Variants in NMNAT1 observed in about 807,000 individuals in gnomAD.
NMNAT1 encodes the protein nicotinamide nucleotide adenylyltransferase 1, also known as nicotinamide/nicotinic acid mononucleotide adenylyltransferase 1.
In NMNAT1, 11 loss-of-function variants were observed where a neutral mutation model predicts 16.7. That is an observed-to-expected ratio of 0.66 (90% CI 0.41 to 1.09). The LOEUF is 1.09. NMNAT1 is among the 50% of genes least tolerant of loss of function. The probability of loss-of-function intolerance (pLI) is 0.00; values close to 1 mark genes in which losing one functional copy is unlikely to be tolerated. For synonymous variants in NMNAT1, 110 were observed against 119.8 expected (o/e 0.92, Z 0.53); for missense variants, 280 against 332.3 (o/e 0.84, Z 1.22).
At chr1:9,995,750 C>G in the NMNAT1 span, among the ~76,000 whole-genome samples, 75 of 151,914 alleles carry the variant, frequency 4.9e-4, no homozygotes, top group African/African-American at 1.7e-3. Context: ...ATAAATACCG[C>G]GGGTGCGGTG....
chr1:9,943,835 A>G (rs531441672), intron 1 of NMNAT1, among the ~76,000 whole-genome samples: 1 of 152,304 alleles, frequency 6.6e-6, no homozygotes, highest in African/African-American at 2.4e-5. Context: ...CTTCATTCCG[A>G]ACGACTTCCC....
intron 1 of NMNAT1, among the ~76,000 whole-genome samples, chr1:9,957,230 T>A (rs973071543): frequency 6.6e-6 from 1 of 152,208 alleles, no homozygotes; most frequent in East Asian, 1.9e-4. Context: ...GGTTTCTCCA[T>A]GTTGGTCAGG....
Position 9,982,513 on chromosome 1 carries a change from G to A in NMNAT1, c.652G>A (p.Ala218Thr), listed in dbSNP as rs766479905. 37 of 1,613,980 alleles carry A rather than the reference G, an allele frequency of 2.3e-5. No homozygotes were observed. Among genetic ancestry groups the A allele is most frequent in the Admixed American group, 3.3e-5 (2 of 59,958 alleles). Residue 218 changes from alanine to threonine, a missense_variant, in exon 5 of 5, where the codon GCT becomes ACT. Transcript: ENST00000377205. The stretch of plus-strand genomic sequence containing the variant: ...CATTCACGTGGTGAATGAATGGATC[G>A]CTAATGACATCTCATCCACAAAAAT... ...SNIHVVNEWIANDISSTKIRR... is the reference protein window; with the variant it reads ...SNIHVVNEWITNDISSTKIRR...
chr1:9,993,087 G>A, the NMNAT1 span, among the ~76,000 whole-genome samples: 2 of 152,122 alleles, frequency 1.3e-5, no homozygotes, highest in South Asian at 4.1e-4. Context: ...TGAGTTGGGG[G>A]AGACAGGATG....
At chr1:9,946,606 A>G (rs906205474) in intron 1 of NMNAT1, among the ~76,000 whole-genome samples, 1 of 152,264 alleles carries the variant, frequency 6.6e-6, no homozygotes, top group African/African-American at 2.4e-5. Flanking sequence ...TGCCTTAAAT[A>G]GCTTGTACCA....
Position 9,982,930 on chromosome 1 carries a change from A to G in NMNAT1, c.*229A>G. 2.6e-6 allele frequency: 1 copy of G among 377,472 alleles called. No homozygotes were observed. The highest frequency in any genetic ancestry group is 5.6e-5 in the East Asian group (1 of 17,726). 23.4% of individuals were successfully genotyped at this position (377,472 alleles called of 1,614,324 possible). ...AGACCATCCTGGCCAATATGGTGAAACCCCATCTCTACTAAAAATACAAAA... is the reference window on the plus strand; with the variant it reads ...AGACCATCCTGGCCAATATGGTGAAGCCCCATCTCTACTAAAAATACAAAA... On this transcript the variant is annotated 3_prime_UTR_variant, in exon 5 of 5. Coordinates refer to ENST00000377205, the MANE Select transcript of NMNAT1 (RefSeq NM_022787.4).
At chr1:9,990,924 T>C in the NMNAT1 span, among the ~76,000 whole-genome samples, 1 of 152,174 alleles carries the variant, frequency 6.6e-6, no homozygotes, top group Non-Finnish European at 1.5e-5. Flanking sequence ...TAGGAAGATA[T>C]TAGAATTGTA....
At chr1:9,991,915 A>C in the NMNAT1 span, among the ~76,000 whole-genome samples, 3 of 151,694 alleles carry the variant, frequency 2.0e-5, no homozygotes, top group Non-Finnish European at 4.4e-5. Flanking sequence ...AAAGCAACAA[A>C]AGGGCTGAGC....
At chr1:9,953,500 G>T (rs1170452783) in intron 1 of NMNAT1, among the ~76,000 whole-genome samples, 1 of 151,108 alleles carries the variant, frequency 6.6e-6, no homozygotes, top group Admixed American at 6.6e-5. Flanking sequence ...GAATGCAGTG[G>T]CATGATCTCG....
the NMNAT1 span, among the ~76,000 whole-genome samples, chr1:9,996,823 C>A: frequency 6.6e-6 from 1 of 152,188 alleles, no homozygotes; most frequent in Non-Finnish European, 1.5e-5. Flanking sequence ...AGGTGCGAAT[C>A]ATCACCAGCA....
At chr1:9,965,315 CA>C (rs1183019689) in intron 1 of NMNAT1, among the ~76,000 whole-genome samples, 594 of 51,424 alleles carry the variant, frequency 0.012, 3 homozygotes, top group Middle Eastern at 0.042. Context: ...GACTCCATCT[CA>C]AAAAAAAAAA....
upstream of NMNAT1, chr1:9,943,034 G>C: frequency 3.3e-6 from 1 of 306,800 alleles, no homozygotes; most frequent in Non-Finnish European, 6.6e-6. Context: ...AGGTAAGGGC[G>C]GAGAGCACGC....
chr1:9,943,264 A>T (rs1004764952), upstream of NMNAT1: 1 of 157,088 alleles, frequency 6.4e-6, no homozygotes. Context: ...AAAAACTGGG[A>T]CAACCTCCTT....
chr1:9,990,943 A>AG, the NMNAT1 span, among the ~76,000 whole-genome samples: 1 of 152,300 alleles, frequency 6.6e-6, no homozygotes, highest in South Asian at 2.1e-4. Flanking sequence ...TAAAGAAAAA[A>AG]AAAATTACTC....
intron 1 of NMNAT1, among the ~76,000 whole-genome samples, chr1:9,962,311 T>C (rs1418481723): frequency 6.6e-6 from 1 of 151,242 alleles, no homozygotes; most frequent in East Asian, 2.0e-4. Flanking sequence ...TGAAACCCCG[T>C]CTCTACTAAA....
In NMNAT1 at chr1:9,981,150, C is replaced by A; in HGVS notation, c.419C>A (p.Ser140Tyr). 1 of 1,612,116 alleles carries A rather than the reference C, an allele frequency of 6.2e-7. No individual in the cohort carries two copies. The highest frequency in any genetic ancestry group is 8.5e-7 in the Non-Finnish European group (1 of 1,179,446). ...ACACAAGATTCTAGTCAAAAGAAAT[C>A]CCTAGAGCCAAAAACAAAAGGTTTG... ...TETQDSSQKK[S>Y]LEPKTKAVPK... The change falls in exon 4 of 5, where the codon TCC (serine) becomes TAC (tyrosine). Residue 140 changes from serine to tyrosine, a missense_variant. Transcript: ENST00000377205.
chr1:9,982,532 C>A lies in NMNAT1; in HGVS notation c.671C>A (p.Thr224Lys), dbSNP rs1189454605. 1.2e-6 allele frequency: 2 copies of A among 1,614,150 alleles called. No homozygotes were observed. The highest frequency in any genetic ancestry group is 1.7e-6 in the Non-Finnish European group (2 of 1,180,038). Residue 224 changes from threonine (T) to lysine (K), a missense_variant, in exon 5 of 5, where the codon ACA becomes AAA. Transcript: ENST00000377205. ...NEWIANDISS[T>K]KIRRALRRGQ... is the part of the protein sequence containing the mutation. ...TGGATCGCTAATGACATCTCATCCA[C>A]AAAAATCCGGAGAGCCCTCAGAAGG...
At chr1:9,947,500 G>C (rs182001797) in intron 1 of NMNAT1, 51 of 152,300 alleles carry the variant, frequency 3.3e-4, no homozygotes, top group African/African-American at 1.2e-3. Context: ...ACTAATCTTC[G>C]GTCAAGGGTA....
At chr1:9,965,915 G>A (rs566175977) in intron 1 of NMNAT1, among the ~76,000 whole-genome samples, 2 of 152,122 alleles carry the variant, frequency 1.3e-5, no homozygotes, top group East Asian at 3.9e-4. Context: ...TTGAGCCTAG[G>A]AGGCAGAGGC....
Sources: allele counts gnomAD v4.1 joint callset (sites outside exome capture counted in the v4.1 genomes callset), GRCh38; gene constraint gnomAD v4.1.1; transcripts MANE v1.5; gene names NCBI Gene and HGNC (gene_info 2026-07-23, HGNC 2026-07-21).